C6orf136: variants seen among roughly 807,000 people sequenced by gnomAD.
The protein encoded by C6orf136 is chromosome 6 open reading frame 136.
C6orf136 carries 29 observed loss-of-function variants against 44.0 expected under a neutral mutation model. The observed-to-expected ratio is 0.66, with a 90% CI of 0.49 to 0.90. C6orf136 has a LOEUF of 0.90. C6orf136 is among the 40% of genes least tolerant of loss of function. The pLI, the probability that C6orf136 is intolerant of heterozygous loss-of-function variation, is 0.00. For missense variants in C6orf136, 628 were observed against 669.3 expected (o/e 0.94, Z 0.68); for synonymous variants, 293 against 278.6 (o/e 1.05, Z -0.52).
In C6orf136 at chr6:30,647,898, G is replaced by C; in HGVS notation, c.615+52G>C. 1 of 1,428,054 alleles carries C rather than the reference G, an allele frequency of 7.0e-7. No individual in the cohort carries two copies. Among genetic ancestry groups the C allele is most frequent in the Non-Finnish European group, 9.1e-7 (1 of 1,094,838 alleles). The allele number at this position is 1,428,054 out of a possible 1,614,324, so 88.5% of individuals were successfully genotyped here. ...CTGCAGTGAGACGATCCCCTGGGGG[G>C]TTCCTTGGGAGCGGAGGGACTCGGG... is the stretch of plus-strand genomic sequence containing the variant. On this transcript the variant is annotated intron_variant, in intron 1 of 5. Coordinates refer to ENST00000651131, the MANE Select transcript of C6orf136 (RefSeq NM_001161376.2). This position sits in a 1 kb window ranked among gnomAD's most constrained non-coding sequence, Gnocchi z 4.8.
chr6:30,650,675 C>T (rs1409208797), intron 2 of C6orf136, among the ~76,000 whole-genome samples: 3 of 151,988 alleles, frequency 2.0e-5, no homozygotes, highest in East Asian at 1.9e-4. Context: ...CCCAGCTACT[C>T]GGGAGGCTGA....
chr6:30,650,843 C>G, intron 2 of C6orf136, 151 bp from the exon 3 acceptor site: 1 of 604,390 alleles, frequency 1.7e-6, no homozygotes. Flanking sequence ...ACCTAGGAGG[C>G]GGAGGTTGCA....
At chr6:30,649,484 T>C in intron 1 of C6orf136, 74 bp from the exon 2 acceptor site, 1 of 1,372,962 alleles carries the variant, frequency 7.3e-7, no homozygotes, top group Non-Finnish European at 9.9e-7. Context: ...TGGAAGCCTG[T>C]TGAGCATCCA....
At chr6:30,652,239 TCACACACACA>T (rs5875269) in intron 4 of C6orf136, among the ~76,000 whole-genome samples, 6,787 of 142,402 alleles carry the variant, frequency 0.048, 248 homozygotes, top group South Asian at 0.099. Flanking sequence ...TGAAACCCTG[TCACACACACA>T]CACACACACA....
intron 2 of C6orf136, among the ~76,000 whole-genome samples, chr6:30,650,737 T>C (rs1767330302): frequency 2.7e-5 from 4 of 150,314 alleles, no homozygotes; most frequent in Non-Finnish European, 4.4e-5. Context: ...GAGCCGAGAT[T>C]GTACCTCTGC....
At chr6:30,652,247 A>T (rs1365668902) in intron 4 of C6orf136, among the ~76,000 whole-genome samples, 36 of 27,302 alleles carry the variant, frequency 1.3e-3, no homozygotes, top group South Asian at 4.7e-3. Flanking sequence ...TGTCACACAC[A>T]CACACACACA....
At position 30,652,976 on chromosome 6, in the gene C6orf136, G is replaced by A; in HGVS notation, c.*61G>A. ...GCTACGCCCAAGAGAAGGAGGTGGA[G>A]GCAGCCAAGAATCTCAGGAGCCAGC... On this transcript the variant is annotated 3_prime_UTR_variant, in exon 6 of 6. Coordinates refer to ENST00000651131, the MANE Select transcript of C6orf136 (RefSeq NM_001161376.2). 1 of 1,466,246 alleles carries A rather than the reference G, an allele frequency of 6.8e-7. No individual in the cohort carries two copies. The highest frequency in any genetic ancestry group is 9.5e-7 in the Non-Finnish European group (1 of 1,052,054). 90.8% of individuals were successfully genotyped at this position (1,466,246 alleles called of 1,614,324 possible). A position where few individuals can be genotyped will look rare whatever the true frequency, so the allele number is the denominator to read the frequency against.
In C6orf136 at chr6:30,649,652, T is replaced by G; in HGVS notation, c.710T>G (p.Leu237Arg). 1.2e-6 allele frequency: 2 copies of G among 1,605,302 alleles called. No homozygotes were observed. Among genetic ancestry groups the G allele is most frequent in the Non-Finnish European group, 1.7e-6 (2 of 1,176,920 alleles). Reference sequence around the variant, plus strand: ...TCTTCTCCTCTATTCTGGTCTCCCCTGCCCCCACGCCTTCCCACCCAGCGT... The same window carrying G: ...TCTTCTCCTCTATTCTGGTCTCCCCGGCCCCCACGCCTTCCCACCCAGCGT... ...SPSSPLFWSPLPPRLPTQRLP... is the reference protein window; with the variant it reads ...SPSSPLFWSPRPPRLPTQRLP... Residue 237 changes from leucine to arginine, a missense_variant, in exon 2 of 6, where the codon CTG (leucine) becomes CGG (arginine). Around this residue, in one of 2 missense-constraint regions of C6orf136, gnomAD observed 497 missense variants for 469.2 expected, o/e 1.06. Coordinates refer to ENST00000651131, the MANE Select transcript of C6orf136 (RefSeq NM_001161376.2).
In C6orf136 at chr6:30,647,937, T is replaced by C; in HGVS notation, c.615+91T>C. On this transcript the variant is annotated intron_variant, in intron 1 of 5. Coordinates refer to ENST00000651131, the MANE Select transcript of C6orf136 (RefSeq NM_001161376.2). The surrounding 1 kb of genome is among the most constrained non-coding windows in gnomAD (Gnocchi z 4.8). ...GAGGGACTCGGGTGAGGCCTAACTTTGGGTGACCTCCCCTTGCAGTTTCAA... is the reference window on the plus strand; with the variant it reads ...GAGGGACTCGGGTGAGGCCTAACTTCGGGTGACCTCCCCTTGCAGTTTCAA... 1 of 1,413,340 alleles carries C rather than the reference T, an allele frequency of 7.1e-7. No homozygotes were observed. The highest frequency in any genetic ancestry group is 9.2e-7 in the Non-Finnish European group (1 of 1,087,408). 87.5% of individuals were successfully genotyped at this position (1,413,340 alleles called of 1,614,324 possible).
intron 2 of C6orf136, 97 bp from the exon 3 acceptor site, chr6:30,650,897 G>C (rs1767344644): frequency 3.4e-6 from 3 of 874,830 alleles, no homozygotes; most frequent in Non-Finnish European, 5.5e-6. Flanking sequence ...GGGCGACAGA[G>C]CTAGACTCCG....
At chr6:30,652,743 G>A (rs997172064) in intron 5 of C6orf136, 26 bp downstream of exon 5, 2 of 1,612,520 alleles carry the variant, frequency 1.2e-6, no homozygotes, top group African/African-American at 2.7e-5. Flanking sequence ...GGCTGGGTGG[G>A]GTAAAGGGTA....
chr6:30,652,709 C>G lies in C6orf136; in HGVS notation c.1369C>G (p.Leu457Val), dbSNP rs1767551478. ...CAGTGGCCTCATTTGTCGCCATCGT[C>G]TAGATAAAGTGAGTCCTAGGTAGGG... The part of the protein sequence containing the change: ...NSSGLICRHR[L>V]DKLMPSHSPP... Residue 457 changes from leucine to valine, a missense_variant, in exon 5 of 6, where the codon CTA becomes GTA. Transcript: ENST00000651131. 6.2e-7 allele frequency: 1 copy of G among 1,613,036 alleles called. No individual in the cohort carries two copies. The highest frequency in any genetic ancestry group is 8.5e-7 in the Non-Finnish European group (1 of 1,180,004).
Position 30,652,945 on chromosome 6 carries a change from A to C in C6orf136, c.*30A>C, listed in dbSNP as rs1327744581. The C allele has an allele frequency of 6.3e-7, 1 of 1,578,032 alleles. No homozygotes were observed. Among genetic ancestry groups the C allele is most frequent in the East Asian group, 2.2e-5 (1 of 44,688 alleles). On this transcript the variant is annotated 3_prime_UTR_variant, in exon 6 of 6. Transcript: ENST00000651131. ...TGACCTTGGAGTGGAGGCAGCACTGAAGACTGCTACGCCCAAGAGAAGGAG... is the reference window on the plus strand; with the variant it reads ...TGACCTTGGAGTGGAGGCAGCACTGCAGACTGCTACGCCCAAGAGAAGGAG...
Position 30,647,274 on chromosome 6 carries a change from T to C in C6orf136, c.43T>C (p.Cys15Arg). Residue 15 changes from cysteine (C) to arginine (R), a missense_variant, in exon 1 of 6, where the codon TGC becomes CGC. Physicochemically the swap from Cys to Arg is radical, Grantham distance 180. This residue lies in a region of C6orf136 where 497 missense variants were observed against 469.2 expected (regional missense o/e 1.06). Transcript: ENST00000651131. This position sits in a 1 kb window ranked among gnomAD's most constrained non-coding sequence, Gnocchi z 4.8. ...GGGTGCGGCCCGGCGTCTCGGCCCTTGCCTGCGCGCCTACCAGGCTCGACC... is the reference window on the plus strand; with the variant it reads ...GGGTGCGGCCCGGCGTCTCGGCCCTCGCCTGCGCGCCTACCAGGCTCGACC... ...SRGAARRLGP[C>R]LRAYQARPQV... 1 of 1,600,676 alleles carries C rather than the reference T, an allele frequency of 6.2e-7. No individual in the cohort carries two copies. The highest frequency in any genetic ancestry group is 8.5e-7 in the Non-Finnish European group (1 of 1,175,686).
intron 1 of C6orf136, among the ~76,000 whole-genome samples, chr6:30,648,594 T>G (rs1322459367): frequency 6.6e-6 from 1 of 151,272 alleles, no homozygotes; most frequent in Non-Finnish European, 1.5e-5. Flanking sequence ...AGAGATGGGG[T>G]GTCACCATAT....
At chr6:30,650,734 G>A (rs926604585) in intron 2 of C6orf136, among the ~76,000 whole-genome samples, 15 of 150,422 alleles carry the variant, frequency 1.0e-4, no homozygotes, top group African/African-American at 3.5e-4. Context: ...AGTGAGCCGA[G>A]ATTGTACCTC....
At position 30,649,612 on chromosome 6, in the gene C6orf136, A is replaced by G. The variant is rs117013517; in HGVS notation, c.670A>G (p.Thr224Ala). The G allele has an allele frequency of 1.2e-3, 1,954 of 1,596,210 alleles. 77 individuals carry two copies. In the East Asian group the frequency reaches 0.042, roughly 35 times the overall value. Residue 224 changes from threonine to alanine, a missense_variant, in exon 2 of 6, where the codon ACA becomes GCA. By Grantham distance (58) the Thr-to-Ala change is moderately conservative. Coordinates refer to ENST00000651131, the MANE Select transcript of C6orf136 (RefSeq NM_001161376.2). ...PFPPLWPHST[T>A]TTSPSSPLFW... ...CCCACCCCTTTGGCCCCACTCCACG[A>G]CAACCACTTCCCCATCTTCTCCTCT...
Position 30,647,589 on chromosome 6 carries a change from C to T in C6orf136, c.358C>T (p.Arg120Trp), listed in dbSNP as rs1336120742. ...CGTCTGCGTTGCGCCCGACTCTCCGCGGTTACCTGTGCCTAGAGGTGATTT... is the reference window on the plus strand; with the variant it reads ...CGTCTGCGTTGCGCCCGACTCTCCGTGGTTACCTGTGCCTAGAGGTGATTT... ...GRVCVAPDSP[R>W]LPVPRGDLKG... The change falls in exon 1 of 6, where the codon CGG (arginine) becomes TGG (tryptophan). Residue 120 changes from arginine (R) to tryptophan (W), a missense_variant. Physicochemically the swap from Arg to Trp is moderately radical, Grantham distance 101. Around this residue, in one of 2 missense-constraint regions of C6orf136, gnomAD observed 497 missense variants for 469.2 expected, o/e 1.06. Coordinates refer to ENST00000651131, the MANE Select transcript of C6orf136 (RefSeq NM_001161376.2). The surrounding 1 kb of genome is among the most constrained non-coding windows in gnomAD (Gnocchi z 4.8). The T allele has an allele frequency of 6.5e-7, 1 of 1,542,974 alleles. No individual in the cohort carries two copies. Among genetic ancestry groups the T allele is most frequent in the Non-Finnish European group, 8.8e-7 (1 of 1,141,420 alleles).
At position 30,647,281 on chromosome 6, in the gene C6orf136, G is replaced by A. The variant is rs777280036; in HGVS notation, c.50G>A (p.Arg17His). 4 of 1,599,962 alleles carry A rather than the reference G, an allele frequency of 2.5e-6. No homozygotes were observed. The highest frequency in any genetic ancestry group is 2.2e-5 in the South Asian group (2 of 90,404). ...GCCCGGCGTCTCGGCCCTTGCCTGC[G>A]CGCCTACCAGGCTCGACCCCAGGTG... ...GAARRLGPCL[R>H]AYQARPQVSG... is the part of the protein sequence containing the mutation. Residue 17 changes from arginine to histidine, a missense_variant, in exon 1 of 6, where the codon CGC becomes CAC. Physicochemically the swap from Arg to His is conservative, Grantham distance 29 (BLOSUM62 0). Transcript: ENST00000651131. The surrounding 1 kb of genome is among the most constrained non-coding windows in gnomAD (Gnocchi z 4.8).
Sources: allele counts gnomAD v4.1 joint callset (sites outside exome capture counted in the v4.1 genomes callset), GRCh38; gene constraint gnomAD v4.1.1; regional missense constraint gnomAD v4.1.1; non-coding constraint Gnocchi (gnomAD v3.1); transcripts MANE v1.5; gene names NCBI Gene and HGNC (gene_info 2026-07-23, HGNC 2026-07-21).